KLHL4: variants seen among roughly 807,000 people sequenced by gnomAD.
KLHL4 encodes the protein kelch-like protein 4.
A neutral mutation model predicts 45.8 loss-of-function variants in KLHL4; 17 were observed. The ratio of observed to expected loss-of-function variants is 0.37; its 90% CI spans 0.25 to 0.56. The LOEUF (loss-of-function observed/expected upper bound fraction) is 0.56, where lower values mean the gene tolerates loss of function less well. Ranked by LOEUF, KLHL4 falls within the 20% of genes least tolerant of loss-of-function variation. The pLI, the probability that KLHL4 is intolerant of heterozygous loss-of-function variation, is 0.79. For missense variants in KLHL4, 544 were observed against 544.9 expected (o/e 1.00, Z 0.02); for synonymous variants, 224 against 189.9 (o/e 1.18, Z -1.47).
At chrX:87,534,471 A>G (rs1175108677) in intron 1 of KLHL4, among the ~76,000 whole-genome samples, 1 of 111,258 alleles carries the variant, frequency 9.0e-6, no homozygotes, top group African/African-American at 3.3e-5. Context: ...GGTAAATTTG[A>G]AAGAAAGAAA....
chrX:87,603,081 G>C (rs1376713752), intron 1 of KLHL4, among the ~76,000 whole-genome samples: 1 of 111,571 alleles, frequency 9.0e-6, no homozygotes, highest in East Asian at 2.8e-4. Flanking sequence ...GGGAATTATG[G>C]GGCAGAAGGC....
At chrX:87,613,800 T>C (rs1922459880) in intron 1 of KLHL4, 77 bp from the exon 2 acceptor site, 1 of 721,695 alleles carries the variant, frequency 1.4e-6, no homozygotes, top group South Asian at 5.3e-5. Context: ...TACATGTTTG[T>C]ACTCTCATTA....
intron 1 of KLHL4, among the ~76,000 whole-genome samples, chrX:87,550,660 A>G (rs1382098106): frequency 8.9e-6 from 1 of 111,757 alleles, no homozygotes; most frequent in African/African-American, 3.2e-5. Context: ...ATCCACCATG[A>G]TTAAATGGGT....
intron 10 of KLHL4, among the ~76,000 whole-genome samples, chrX:87,665,751 A>G (rs1924346028): frequency 9.0e-6 from 1 of 111,677 alleles, no homozygotes; most frequent in South Asian, 3.7e-4. Flanking sequence ...TACTGACTTC[A>G]TGCTACTCTA....
At chrX:87,612,727 C>T (rs1212602276) in intron 1 of KLHL4, among the ~76,000 whole-genome samples, 1 of 111,790 alleles carries the variant, frequency 8.9e-6, no homozygotes, top group East Asian at 2.8e-4. Context: ...GTAAGCATGG[C>T]AGGGTGCGGT....
intron 9 of KLHL4, among the ~76,000 whole-genome samples, chrX:87,644,030 G>C (rs888131863): frequency 1.8e-5 from 2 of 111,162 alleles, no homozygotes; most frequent in African/African-American, 6.5e-5. Flanking sequence ...TCTTCAACAT[G>C]GTACTGGAAG....
intron 5 of KLHL4, among the ~76,000 whole-genome samples, 180 bp from the exon 6 acceptor site, chrX:87,625,430 C>T (rs1423778948): frequency 1.8e-5 from 2 of 111,618 alleles, no homozygotes; most frequent in Non-Finnish European, 3.8e-5. Flanking sequence ...AAGGTTTTGC[C>T]ATGTTTCCCA....
intron 1 of KLHL4, among the ~76,000 whole-genome samples, chrX:87,607,403 A>G (rs748253908): frequency 9.0e-6 from 1 of 111,056 alleles, no homozygotes; most frequent in Non-Finnish European, 1.9e-5. Context: ...TTTTAGCCCT[A>G]TTGGGTCTGC....
At chrX:87,603,292 C>A (rs1210475695) in intron 1 of KLHL4, among the ~76,000 whole-genome samples, 3 of 111,572 alleles carry the variant, frequency 2.7e-5, no homozygotes, top group Non-Finnish European at 5.7e-5. Flanking sequence ...CATCAAAATT[C>A]TTAAAGAATA....
chrX:87,625,029 A>G (rs1366216202), intron 5 of KLHL4, among the ~76,000 whole-genome samples: 1 of 112,778 alleles, frequency 8.9e-6, no homozygotes, highest in Non-Finnish European at 1.9e-5. Context: ...AGCCACATGC[A>G]GTAGACTAGG....
chrX:87,526,402 AC>A (rs1931110735), intron 1 of KLHL4, among the ~76,000 whole-genome samples: 1 of 112,061 alleles, frequency 8.9e-6, no homozygotes, highest in Non-Finnish European at 1.9e-5. Flanking sequence ...GCTAATTTTC[AC>A]CAGAGGCTTA....
chrX:87,521,545 A>C (rs1931001168), intron 1 of KLHL4, among the ~76,000 whole-genome samples: 1 of 111,422 alleles, frequency 9.0e-6, no homozygotes, highest in Non-Finnish European at 1.9e-5. Flanking sequence ...ATATGAGAAA[A>C]ATTAATTTGA....
intron 9 of KLHL4, among the ~76,000 whole-genome samples, chrX:87,643,706 T>C (rs1923539435): frequency 8.9e-6 from 1 of 111,817 alleles, no homozygotes; most frequent in African/African-American, 3.3e-5. Flanking sequence ...TAATACACCA[T>C]GATCAAGTTA....
At chrX:87,665,327 T>C (rs1413185215) in intron 10 of KLHL4, among the ~76,000 whole-genome samples, 1 of 111,987 alleles carries the variant, frequency 8.9e-6, no homozygotes, top group Non-Finnish European at 1.9e-5. Context: ...AAGGGCAGCA[T>C]CTTCTTCCGC....
In KLHL4 at chrX:87,606,579, G is replaced by C. The variant is rs904730645; in HGVS notation, c.423-7298G>C. On this transcript the variant is annotated intron_variant, in intron 1 of 10. Transcript: ENST00000373119. ...ATTCATAAAAGTGTATTATAAACAA[G>C]TATAGGCCAACAAATTTGAGAACAT... Among the ~76,000 whole-genome samples the C allele has an allele frequency of 3.6e-5, 4 of 111,019 alleles. No homozygotes were observed. The East Asian group carries it at 1.1e-3, about 31-fold the overall frequency.
intron 9 of KLHL4, among the ~76,000 whole-genome samples, chrX:87,641,972 A>G (rs1923476301): frequency 9.4e-6 from 1 of 106,626 alleles, no homozygotes; most frequent in Admixed American, 1.0e-4. Flanking sequence ...GTAGCAGAAG[A>G]CAAAGGGCAT....
chrX:87,553,045 G>A (rs995968874), intron 1 of KLHL4, among the ~76,000 whole-genome samples: 8 of 110,814 alleles, frequency 7.2e-5, no homozygotes, highest in African/African-American at 9.8e-5. Flanking sequence ...TTGCATGCCT[G>A]TAACAAAACT....
chrX:87,549,346 T>G (rs755972418), intron 1 of KLHL4, among the ~76,000 whole-genome samples: 2 of 111,359 alleles, frequency 1.8e-5, no homozygotes, highest in South Asian at 7.5e-4. Flanking sequence ...GCACCCAATG[T>G]TCAGCATTGG....
At chrX:87,539,441 G>C (rs1397285175) in intron 1 of KLHL4, among the ~76,000 whole-genome samples, 1 of 110,136 alleles carries the variant, frequency 9.1e-6, no homozygotes, top group African/African-American at 3.3e-5. Context: ...AATATTCTTG[G>C]TAAGTTTTTC....
Sources: allele counts gnomAD v4.1 joint callset (sites outside exome capture counted in the v4.1 genomes callset), GRCh38; gene constraint gnomAD v4.1.1; transcripts MANE v1.5; gene names NCBI Gene and HGNC (gene_info 2026-07-23, HGNC 2026-07-21).